L3MBTL4: variants seen among roughly 807,000 people sequenced by gnomAD.
The protein encoded by L3MBTL4 is lethal(3)malignant brain tumor-like protein 4.
In L3MBTL4, 70 loss-of-function variants were observed where a neutral mutation model predicts 84.5. That is an observed-to-expected ratio of 0.83 (90% CI 0.68 to 1.01). L3MBTL4 has a LOEUF of 1.01. Among genes scored for constraint, L3MBTL4 ranks in the 50% least tolerant of loss-of-function variants. The pLI, the probability that L3MBTL4 is intolerant of heterozygous loss-of-function variation, is 0.00. For synonymous variants in L3MBTL4, 274 were observed against 259.8 expected, an observed-to-expected ratio of 1.05 and a Z score of -0.52; for missense variants, 715 against 754.8, an observed-to-expected ratio of 0.95 and a Z score of 0.62.
At chr18:6,093,723 T>A (rs2058537338) in intron 14 of L3MBTL4, among the ~76,000 whole-genome samples, 195 bp from the exon 15 acceptor site, 1 of 152,210 alleles carries the variant, frequency 6.6e-6, no homozygotes, top group Admixed American at 6.5e-5. Context: ...CCACAGACAC[T>A]GGTCAACAAA....
chr18:6,087,551 C>A (rs1203148627), intron 15 of L3MBTL4, among the ~76,000 whole-genome samples: 1 of 152,048 alleles, frequency 6.6e-6, no homozygotes, highest in African/African-American at 2.4e-5. Context: ...GATTTCCTGT[C>A]CAGCCAAAAC....
intron 1 of L3MBTL4, among the ~76,000 whole-genome samples, chr18:6,334,828 G>A (rs565493519): frequency 1.3e-5 from 2 of 152,206 alleles, no homozygotes; most frequent in African/African-American, 2.4e-5. Context: ...AATTTTAACT[G>A]TCTATTGACA....
At chr18:6,200,355 G>T (rs2045599385) in intron 12 of L3MBTL4, among the ~76,000 whole-genome samples, 1 of 152,224 alleles carries the variant, frequency 6.6e-6, no homozygotes, top group Non-Finnish European at 1.5e-5. Flanking sequence ...AGCTGGCCAG[G>T]AAGCAGAGAG....
At chr18:6,170,405 C>A (rs2043909998) in intron 13 of L3MBTL4, among the ~76,000 whole-genome samples, 1 of 152,098 alleles carries the variant, frequency 6.6e-6, no homozygotes, top group Non-Finnish European at 1.5e-5. Flanking sequence ...TAAGAAAGAA[C>A]CAGCAGGACA....
intron 15 of L3MBTL4, among the ~76,000 whole-genome samples, chr18:6,089,586 G>A (rs1277829862): frequency 2.0e-5 from 3 of 152,220 alleles, no homozygotes; most frequent in African/African-American, 4.8e-5. Flanking sequence ...TTGCACGTGG[G>A]ATTTTTTTCT....
At chr18:5,957,522 A>G (rs9945714) in intron 18 of L3MBTL4, among the ~76,000 whole-genome samples, 56,088 of 151,364 alleles carry the variant, frequency 0.37, 10,650 homozygotes, top group East Asian at 0.49. Context: ...TCCAGGGACT[A>G]CTGCAGCGTC....
chr18:6,383,207 C>T (rs1448014144), intron 1 of L3MBTL4, among the ~76,000 whole-genome samples: 5 of 152,120 alleles, frequency 3.3e-5, no homozygotes, highest in East Asian at 1.9e-4. Context: ...GCTGTGCTGA[C>T]GGCAAGAATT....
intron 1 of L3MBTL4, among the ~76,000 whole-genome samples, chr18:6,408,614 C>G (rs933098666): frequency 1.3e-5 from 2 of 152,094 alleles, no homozygotes; most frequent in Non-Finnish European, 2.9e-5. Context: ...CTCCAAAGCA[C>G]TAAGGGGATT....
At chr18:6,302,066 T>G in intron 3 of L3MBTL4, 109 bp from the exon 4 acceptor site, 1 of 918,152 alleles carries the variant, frequency 1.1e-6, no homozygotes, top group Non-Finnish European at 1.8e-6. Flanking sequence ...TCCTCGTCAC[T>G]GAGGCGGACA....
intron 1 of L3MBTL4, among the ~76,000 whole-genome samples, chr18:6,328,571 T>C (rs2051848658): frequency 6.6e-6 from 1 of 152,252 alleles, no homozygotes. Flanking sequence ...CAACATTAAA[T>C]GACATGAAAA....
chr18:6,046,555 T>C (rs1457611246), intron 16 of L3MBTL4, among the ~76,000 whole-genome samples: 1 of 152,086 alleles, frequency 6.6e-6, no homozygotes, highest in African/African-American at 2.4e-5. Flanking sequence ...ATACCAACAG[T>C]ACTCTCAGAC....
intron 14 of L3MBTL4, among the ~76,000 whole-genome samples, chr18:6,119,398 A>T (rs2059458306): frequency 6.6e-6 from 1 of 152,204 alleles, no homozygotes; most frequent in Non-Finnish European, 1.5e-5. Context: ...ATGTAACATC[A>T]GTTTGCTGCT....
At chr18:6,200,411 C>T (rs899291218) in intron 12 of L3MBTL4, among the ~76,000 whole-genome samples, 2 of 152,180 alleles carry the variant, frequency 1.3e-5, no homozygotes, top group Non-Finnish European at 2.9e-5. Context: ...AAGTAGGCCA[C>T]ACTCAAAAAA....
intron 14 of L3MBTL4, among the ~76,000 whole-genome samples, chr18:6,126,662 T>C (rs965013729): frequency 2.0e-5 from 3 of 152,200 alleles, no homozygotes; most frequent in Admixed American, 6.5e-5. Context: ...AATTCTCACA[T>C]AATTATTTCC....
At chr18:6,104,828 A>C (rs1036209120) in intron 14 of L3MBTL4, among the ~76,000 whole-genome samples, 17 of 152,204 alleles carry the variant, frequency 1.1e-4, no homozygotes, top group Non-Finnish European at 2.1e-4. Flanking sequence ...GATATATTCC[A>C]TATTAAAGAA....
At chr18:6,319,050 C>A (rs931083037) in intron 1 of L3MBTL4, among the ~76,000 whole-genome samples, 1 of 151,938 alleles carries the variant, frequency 6.6e-6, no homozygotes, top group African/African-American at 2.4e-5. Flanking sequence ...ACAACGAAAC[C>A]AAGATGGAAA....
Position 6,171,871 on chromosome 18 carries a change from G to C in L3MBTL4, c.1053C>G (p.Ile351Met), listed in dbSNP as rs369477616. The C allele has an allele frequency of 1.0e-5, 16 of 1,554,362 alleles. No individual in the cohort carries two copies. Among genetic ancestry groups the C allele is most frequent in the Middle Eastern group, 3.3e-4 (2 of 6,012 alleles). Residue 351 changes from isoleucine to methionine, a missense_variant, in exon 13 of 19, where the codon ATC becomes ATG. Physicochemically the swap from Ile to Met is conservative, Grantham distance 10. Transcript: ENST00000317931. The part of the protein sequence containing the change: ...VEADSPDIHP[I>M]GWCDVTGHPL... ...GATGCCCTGTGACATCACACCATCCGATCGGGTGGATATCAGGGCTGTCTG... is the reference window on the plus strand; with the variant it reads ...GATGCCCTGTGACATCACACCATCCCATCGGGTGGATATCAGGGCTGTCTG...
intron 1 of L3MBTL4, among the ~76,000 whole-genome samples, chr18:6,344,586 T>C (rs541587045): frequency 3.0e-4 from 46 of 152,230 alleles, no homozygotes; most frequent in African/African-American, 1.1e-3. Context: ...GTCATTCCAA[T>C]ATACTAAAAT....
At chr18:6,052,984 T>C (rs1333340736) in intron 16 of L3MBTL4, among the ~76,000 whole-genome samples, 1 of 152,204 alleles carries the variant, frequency 6.6e-6, no homozygotes, top group Non-Finnish European at 1.5e-5. Context: ...TAATTTGTAT[T>C]TCCCAGAACA....
Sources: gnomAD v4.1 joint callset for allele counts (sites outside exome capture counted in the v4.1 genomes callset) on GRCh38, gnomAD v4.1.1 for gene constraint, MANE v1.5 for transcripts, NCBI Gene and HGNC (gene_info 2026-07-23, HGNC 2026-07-21) for gene names.